Variants in VPS13D observed in about 807,000 individuals in gnomAD.
The protein encoded by VPS13D is intermembrane lipid transfer protein VPS13D.
Under a neutral mutation model 461.9 loss-of-function variants are expected in VPS13D, and 187 were observed. The observed-to-expected ratio is 0.40, with a 90% CI of 0.36 to 0.46. The LOEUF is 0.46. Among genes scored for constraint, VPS13D ranks in the 20% least tolerant of loss-of-function variants. The pLI is 0.60. For synonymous variants in VPS13D, 1,951 were observed against 1,986.3 expected (o/e 0.98, Z 0.47); for missense variants, 4,711 against 5,364.9 (o/e 0.88, Z 3.81).
chr1:12,299,153 A>G lies in VPS13D; in HGVS notation c.6034-49A>G. ...GGGAACCTGAGGTTATTTGGTGGTA[A>G]AATTAGGGAATTAATTATCCTCTGA... is the stretch of plus-strand genomic sequence containing the variant. On this transcript the variant is annotated intron_variant, in intron 24 of 69. Transcript: ENST00000620676. The surrounding 1 kb of genome is among the most constrained non-coding windows in gnomAD (Gnocchi z 4.2). The G allele has an allele frequency of 6.7e-7, 1 of 1,503,462 alleles. No homozygotes were observed. Among genetic ancestry groups the G allele is most frequent in the Non-Finnish European group, 8.9e-7 (1 of 1,128,694 alleles). The allele number at this position is 1,503,462 out of a possible 1,614,324, so 93.1% of individuals were successfully genotyped here. A position where few individuals can be genotyped will look rare whatever the true frequency, so the allele number is the denominator to read the frequency against.
At chr1:12,434,555 T>C (rs2100314699) in intron 65 of VPS13D, among the ~76,000 whole-genome samples, 1 of 152,304 alleles carries the variant, frequency 6.6e-6, no homozygotes, top group South Asian at 2.1e-4. Flanking sequence ...AAGTGTTTGA[T>C]TTTCCTGTAC....
At chr1:12,491,516 G>T (rs1007152308) in intron 67 of VPS13D, among the ~76,000 whole-genome samples, 1 of 152,152 alleles carries the variant, frequency 6.6e-6, no homozygotes, top group East Asian at 1.9e-4. Flanking sequence ...GAATTGGCTG[G>T]ATCTCCCTGT....
chr1:12,346,935 T>C (rs558670524), intron 44 of VPS13D, among the ~76,000 whole-genome samples: 1 of 152,318 alleles, frequency 6.6e-6, no homozygotes, highest in South Asian at 2.1e-4. Flanking sequence ...AAAATAGAAA[T>C]GAACCCTGGT....
chr1:12,416,907 G>T, intron 65 of VPS13D, 80 bp downstream of exon 65: 2 of 1,416,180 alleles, frequency 1.4e-6, no homozygotes, highest in African/African-American at 1.5e-5. Flanking sequence ...TATAGTTAAT[G>T]GGCTGTGAAA....
At chr1:12,356,695 T>C (rs1643888676) in intron 49 of VPS13D, among the ~76,000 whole-genome samples, 171 bp downstream of exon 49, 1 of 152,236 alleles carries the variant, frequency 6.6e-6, no homozygotes, top group Non-Finnish European at 1.5e-5. Context: ...AATTTCTATG[T>C]TATTTGATAC....
At chr1:12,261,226 A>G in intron 12 of VPS13D, 77 bp downstream of exon 12, 10 of 1,543,706 alleles carry the variant, frequency 6.5e-6, no homozygotes, top group South Asian at 2.3e-5. Flanking sequence ...GTATTTTTCA[A>G]ATTTAACAAA....
intron 1 of VPS13D, among the ~76,000 whole-genome samples, chr1:12,233,154 T>A (rs1640037875): frequency 6.6e-6 from 1 of 151,996 alleles, no homozygotes; most frequent in Non-Finnish European, 1.5e-5. Flanking sequence ...TACAGGTGCC[T>A]GCCACCATGC....
chr1:12,441,081 ATGCCCGGCTAATTTTTGTAATTT>A (rs780840958), intron 65 of VPS13D, among the ~76,000 whole-genome samples: 1 of 151,980 alleles, frequency 6.6e-6, no homozygotes, highest in Non-Finnish European at 1.5e-5. Flanking sequence ...ATGCGCCACC[ATGCCCGGCTAATTTTTGTAATTT>A]TAGTAGAGAC....
intron 47 of VPS13D, among the ~76,000 whole-genome samples, chr1:12,354,571 A>G (rs1480235689): frequency 6.6e-6 from 1 of 152,094 alleles, no homozygotes; most frequent in East Asian, 1.9e-4. Flanking sequence ...ATGAGAAAAA[A>G]CTTATCAAGC....
intron 60 of VPS13D, among the ~76,000 whole-genome samples, chr1:12,390,636 A>T (rs1313921781): frequency 6.6e-6 from 1 of 152,182 alleles, no homozygotes; most frequent in African/African-American, 2.4e-5. Flanking sequence ...CCTTTCCATG[A>T]TGGAAGAGGT....
rs1194489601 is a variant in VPS13D at position 12,308,469 on chromosome 1, C to T, written c.6478C>T (p.Leu2160Phe). The change falls in exon 27 of 70, where the codon CTC becomes TTC. Residue 2160 changes from leucine (L) to phenylalanine (F), a missense_variant. Transcript: ENST00000620676. ...VCLLDCVVVD[L>F]QDMDIFAAER... ...CCTGCTGGATTGCGTTGTCGTGGAT[C>T]TCCAGGACATGGACATCTTTGCTGC... is the stretch of plus-strand genomic sequence containing the variant. 3 of 1,614,086 alleles carry T rather than the reference C, an allele frequency of 1.9e-6. No homozygotes were observed. The highest frequency in any genetic ancestry group is 1.3e-5 in the African/African-American group (1 of 74,988).
Position 12,276,618 on chromosome 1 carries a change from G to A in VPS13D, c.3030G>A (p.Gln1010=). Residue 1010 remains glutamine, a synonymous_variant, in exon 19 of 70, where the codon CAG becomes CAA. Transcript: ENST00000620676. The surrounding 1 kb of genome is among the most constrained non-coding windows in gnomAD (Gnocchi z 4.5). ...VHGLLLVDTM[Q]TYGADFDLLM... Reference sequence around the variant, plus strand: ...GTTTGCTCCTGGTGGATACCATGCAGACATATGGTGCTGATTTTGACCTTT... The same window carrying A: ...GTTTGCTCCTGGTGGATACCATGCAAACATATGGTGCTGATTTTGACCTTT... The A allele has an allele frequency of 6.2e-7, 1 of 1,614,182 alleles. No individual in the cohort carries two copies. Among genetic ancestry groups the A allele is most frequent in the South Asian group, 1.1e-5 (1 of 91,080 alleles).
chr1:12,452,660 G>T (rs571476356), intron 65 of VPS13D, among the ~76,000 whole-genome samples: 14 of 152,350 alleles, frequency 9.2e-5, no homozygotes, highest in Middle Eastern at 3.4e-3. Flanking sequence ...AATCCTCAGA[G>T]TGCAGTGAAC....
At chr1:12,453,596 T>C (rs1290088839) in intron 65 of VPS13D, among the ~76,000 whole-genome samples, 1 of 152,212 alleles carries the variant, frequency 6.6e-6, no homozygotes, top group African/African-American at 2.4e-5. Flanking sequence ...TACATAATTC[T>C]AAACATAGCA....
intron 49 of VPS13D, among the ~76,000 whole-genome samples, chr1:12,357,904 T>C (rs1218245670): frequency 1.3e-5 from 2 of 151,198 alleles, no homozygotes; most frequent in African/African-American, 2.4e-5. Flanking sequence ...CTTGGGAGGC[T>C]GAGGCAGGAG....
intron 63 of VPS13D, among the ~76,000 whole-genome samples, chr1:12,408,317 AAGAGAGAG>A (rs138830414): frequency 6.8e-6 from 1 of 146,288 alleles, no homozygotes; most frequent in Non-Finnish European, 1.5e-5. Flanking sequence ...ATTTATACCA[AAGAGAGAG>A]AGAGAGAGAG....
At chr1:12,499,124 T>C (rs1646000384) in intron 68 of VPS13D, among the ~76,000 whole-genome samples, 1 of 151,962 alleles carries the variant, frequency 6.6e-6, no homozygotes, top group South Asian at 2.1e-4. Context: ...TTTTAGCCTT[T>C]GGATGGGGGG....
At chr1:12,430,098 C>T (rs955926123) in intron 65 of VPS13D, among the ~76,000 whole-genome samples, 1 of 152,158 alleles carries the variant, frequency 6.6e-6, no homozygotes, top group Non-Finnish European at 1.5e-5. Context: ...TTGTAATGTT[C>T]AAAGCAGGAT....
intron 25 of VPS13D, among the ~76,000 whole-genome samples, chr1:12,303,288 T>C (rs1642474941): frequency 6.6e-6 from 1 of 152,104 alleles, no homozygotes; most frequent in Admixed American, 6.6e-5. Flanking sequence ...CAAGATTGAG[T>C]TTTTTTGCAT....
Sources: gnomAD v4.1 joint callset for allele counts (sites outside exome capture counted in the v4.1 genomes callset) on GRCh38, gnomAD v4.1.1 for gene constraint, Gnocchi (gnomAD v3.1) non-coding constraint, MANE v1.5 for transcripts, NCBI Gene and HGNC (gene_info 2026-07-23, HGNC 2026-07-21) for gene names.